C1orf52: variants seen among roughly 807,000 people sequenced by gnomAD.
C1orf52 encodes UPF0690 protein C1orf52.
Under a neutral mutation model 17.2 loss-of-function variants are expected in C1orf52, and 5 were observed. The observed-to-expected ratio is 0.29, with a 90% confidence interval of 0.15 to 0.61. The LOEUF (loss-of-function observed/expected upper bound fraction) is 0.61. Among genes scored for constraint, C1orf52 ranks in the 20% least tolerant of loss-of-function variants. The pLI is 0.85. For missense variants in C1orf52, 245 were observed against 234.1 expected, an observed-to-expected ratio of 1.05 and a Z score of -0.30; for synonymous variants, 110 against 88.0, an observed-to-expected ratio of 1.25 and a Z score of -1.40.
At position 85,259,496 on chromosome 1, in the gene C1orf52, G is replaced by A. The variant is rs1167436689; in HGVS notation, c.138C>T (p.Gly46=). ...GCTTCTCCGCCTTGTTCCTACAGCC[G>A]CCCGCCGACTTCGCCGGATCCGGGG... ...RRTPDPAKSA[G]GCRNKAEKRL... is the part of the protein sequence containing the mutation. The change falls in exon 1 of 3, where the codon GGC becomes GGT. Residue 46 remains glycine, a synonymous_variant. Coordinates refer to ENST00000471115, the MANE Select transcript of C1orf52 (RefSeq NM_198077.4). The A allele has an allele frequency of 3.7e-6, 6 of 1,613,766 alleles. No homozygotes were observed. Among genetic ancestry groups the A allele is most frequent in the African/African-American group, 1.3e-5 (1 of 75,040 alleles).
rs1659818341 is a variant in C1orf52 at position 85,252,259 on chromosome 1, C to T, written c.*370G>A. Reference sequence around the variant, plus strand: ...ACTGTACAAAGACTGTTGAAAAGCACCCTACAAGTTCACAGTACATTACAA... The same window carrying T: ...ACTGTACAAAGACTGTTGAAAAGCATCCTACAAGTTCACAGTACATTACAA... On this transcript the variant is annotated 3_prime_UTR_variant, in exon 3 of 3. Transcript: ENST00000471115. The T allele has an allele frequency of 5.1e-6, 1 of 197,182 alleles. No individual in the cohort carries two copies. The highest frequency in any genetic ancestry group is 1.0e-5 in the Non-Finnish European group (1 of 96,980). 12.2% of individuals were successfully genotyped at this position (197,182 alleles called of 1,614,324 possible). A position where few individuals can be genotyped will look rare whatever the true frequency, so the allele number is the denominator to read the frequency against.
chr1:85,254,363 T>C (rs779210933), intron 2 of C1orf52, among the ~76,000 whole-genome samples: 3 of 151,738 alleles, frequency 2.0e-5, no homozygotes, highest in Non-Finnish European at 4.4e-5. Flanking sequence ...CCAAATAACA[T>C]GGTATACCAC....
chr1:85,251,190 A>C lies in C1orf52; in HGVS notation c.*1439T>G, dbSNP rs1242926924. The stretch of plus-strand genomic sequence containing the variant: ...CAATGGGGAAAAACAGATTTAAAAA[A>C]AAATACTTAGATTATGTCTTTTTCT... On this transcript the variant is annotated 3_prime_UTR_variant, in exon 3 of 3. Transcript: ENST00000471115. 6.6e-6 allele frequency: 1 copy of C among 152,240 alleles called. No individual in the cohort carries two copies. Among genetic ancestry groups the C allele is most frequent in the East Asian group, 1.9e-4 (1 of 5,202 alleles). 9.4% of individuals were successfully genotyped at this position (152,240 alleles called of 1,614,324 possible).
At position 85,252,720 on chromosome 1, in the gene C1orf52, A is replaced by C; in HGVS notation, c.476-18T>G. ...TTCATCATCTTTAAATAGAAAAGGA[A>C]GAGTTTCAATCAGTAATTTTAAAAA... On this transcript the variant is annotated intron_variant, in intron 2 of 2. Coordinates refer to ENST00000471115, the MANE Select transcript of C1orf52 (RefSeq NM_198077.4). 1 of 1,583,992 alleles carries C rather than the reference A, an allele frequency of 6.3e-7. No individual in the cohort carries two copies. The highest frequency in any genetic ancestry group is 8.7e-7 in the Non-Finnish European group (1 of 1,155,386).
intron 2 of C1orf52, among the ~76,000 whole-genome samples, chr1:85,257,197 C>T (rs1233283060): frequency 6.6e-6 from 1 of 152,214 alleles, no homozygotes; most frequent in Non-Finnish European, 1.5e-5. Context: ...CACTTCAAAT[C>T]CTGCTGTTTG....
At position 85,258,554 on chromosome 1, in the gene C1orf52, G is replaced by A. The variant is rs1054587566; in HGVS notation, c.445C>T (p.Leu149=). The A allele has an allele frequency of 1.2e-6, 2 of 1,614,118 alleles. No individual in the cohort carries two copies. Residue 149 remains leucine, a synonymous_variant, in exon 2 of 3, where the codon CTA becomes TTA. Coordinates refer to ENST00000471115, the MANE Select transcript of C1orf52 (RefSeq NM_198077.4). ...APQNAKKARL[L]PEGEETLESD... ...TCCAACGTCTCCTCCCCTTCTGGTA[G>A]AAGCCTAGCTTTCTTAGCATTCTGT...
intron 2 of C1orf52, among the ~76,000 whole-genome samples, chr1:85,253,042 A>C (rs1442641379): frequency 2.0e-5 from 3 of 152,132 alleles, no homozygotes; most frequent in Non-Finnish European, 1.5e-5. Flanking sequence ...AACCTGCCTT[A>C]TTTGTTGTTG....
intron 2 of C1orf52, among the ~76,000 whole-genome samples, chr1:85,254,421 T>C (rs1405899596): frequency 6.6e-6 from 1 of 151,232 alleles, no homozygotes; most frequent in Non-Finnish European, 1.5e-5. Context: ...AGATGGAGTC[T>C]TGCTCTGTTG....
intron 2 of C1orf52, 39 bp from the exon 3 acceptor site, chr1:85,252,741 A>T (rs1659830460): frequency 6.2e-6 from 9 of 1,458,956 alleles, no homozygotes; most frequent in Non-Finnish European, 8.6e-6. Flanking sequence ...CAGTAATTTT[A>T]AAAAACCCAA....
rs201724861 is a variant in C1orf52, at chr1:85,258,679, G to A, written c.320C>T (p.Pro107Leu). ...FKIWKSNYVP[P>L]PETYTTEKKP... Reference sequence around the variant, plus strand: ...CTTCTCAGTGGTGTAGGTCTCAGGAGGTGGTACATAATTTGACTTCCATAT... The same window carrying A: ...CTTCTCAGTGGTGTAGGTCTCAGGAAGTGGTACATAATTTGACTTCCATAT... The change falls in exon 2 of 3, where the codon CCT becomes CTT. Residue 107 changes from proline to leucine, a missense_variant. By Grantham distance (98) the Pro-to-Leu change is moderately conservative (BLOSUM62 -3). Coordinates refer to ENST00000471115, the MANE Select transcript of C1orf52 (RefSeq NM_198077.4). 1.2e-6 allele frequency: 2 copies of A among 1,611,952 alleles called. No individual in the cohort carries two copies. The highest frequency in any genetic ancestry group is 2.7e-5 in the African/African-American group (2 of 74,528).
At position 85,258,524 on chromosome 1, in the gene C1orf52, C is replaced by T. The variant is rs560263282; in HGVS notation, c.475G>A (p.Asp159Asn). 3.7e-6 allele frequency: 6 copies of T among 1,612,592 alleles called. No homozygotes were observed. In the African/African-American group the frequency reaches 6.7e-5, roughly 18 times the overall value. The change falls in exon 2 of 3, where the codon GAT becomes AAT. Residue 159 changes from aspartate (D) to asparagine (N), a missense_variant and splice_region_variant. Coordinates refer to ENST00000471115, the MANE Select transcript of C1orf52 (RefSeq NM_198077.4). Reference protein sequence around the residue: ...LPEGEETLESDDEKDEHTSKK... With the variant: ...LPEGEETLESNDEKDEHTSKK... ...ACCATCGGATTCTGACTTTCCTTACCTGATTCCAACGTCTCCTCCCCTTCT... is the reference window on the plus strand; with the variant it reads ...ACCATCGGATTCTGACTTTCCTTACTTGATTCCAACGTCTCCTCCCCTTCT...
At chr1:85,254,388 C>T (rs899362203) in intron 2 of C1orf52, among the ~76,000 whole-genome samples, 4 of 147,768 alleles carry the variant, frequency 2.7e-5, no homozygotes, top group African/African-American at 5.1e-5. Flanking sequence ...ACAAGCCAAA[C>T]GTTTTGCTTT....
In C1orf52 at chr1:85,251,876, A is replaced by G. The variant is rs761230832; in HGVS notation, c.*753T>C. ...TTGATGTCATTCCTGAAAGATGACT[A>G]AATTTTGACTGGTGGACAGGTGGTT... On this transcript the variant is annotated 3_prime_UTR_variant, in exon 3 of 3. Transcript: ENST00000471115. 1.3e-5 allele frequency: 2 copies of G among 152,234 alleles called. No homozygotes were observed. The highest frequency in any genetic ancestry group is 2.9e-5 in the Non-Finnish European group (2 of 68,032). 9.4% of individuals were successfully genotyped at this position (152,234 alleles called of 1,614,324 possible).
At chr1:85,258,130 G>GAAAAAAAAAAAAAAAAAAA (rs57958537) in intron 2 of C1orf52, among the ~76,000 whole-genome samples, 1 of 138,818 alleles carries the variant, frequency 7.2e-6, no homozygotes. Flanking sequence ...CAAAAAAAAA[G>GAAAAAAAAAAAAAAAAAAA]AAAAAAAAAA....
rs1280706833 is a variant in C1orf52 at position 85,251,787 on chromosome 1, G to A, written c.*842C>T. 2.0e-5 allele frequency: 3 copies of A among 152,110 alleles called. No individual in the cohort carries two copies. Among genetic ancestry groups the A allele is most frequent in the Non-Finnish European group, 4.4e-5 (3 of 68,012 alleles). 9.4% of individuals were successfully genotyped at this position (152,110 alleles called of 1,614,324 possible). On this transcript the variant is annotated 3_prime_UTR_variant, in exon 3 of 3. Coordinates refer to ENST00000471115, the MANE Select transcript of C1orf52 (RefSeq NM_198077.4). Reference sequence around the variant, plus strand: ...CAAGTACAGTCATCCAATCAGGAGAGGAAAAGATCTCTACTAACGGATCTC... The same window carrying A: ...CAAGTACAGTCATCCAATCAGGAGAAGAAAAGATCTCTACTAACGGATCTC...
intron 2 of C1orf52, chr1:85,257,598 C>G (rs1659975910): frequency 7.7e-6 from 5 of 646,150 alleles, no homozygotes; most frequent in Non-Finnish European, 1.4e-5. Context: ...CTTTTAGAAA[C>G]TCAACACTAG....
Position 85,259,485 on chromosome 1 carries a change from T to C in C1orf52, c.149A>G (p.Asn50Ser), listed in dbSNP as rs200923869. ...TCCCGGGAGCCGCTTCTCCGCCTTG[T>C]TCCTACAGCCGCCCGCCGACTTCGC... Reference protein sequence around the residue: ...DPAKSAGGCRNKAEKRLPGPD... With the variant: ...DPAKSAGGCRSKAEKRLPGPD... The change falls in exon 1 of 3, where the codon AAC becomes AGC. Residue 50 changes from asparagine (N) to serine (S), a missense_variant. Physicochemically the swap from Asn to Ser is conservative, Grantham distance 46. Transcript: ENST00000471115. 12 of 1,613,930 alleles carry C rather than the reference T, an allele frequency of 7.4e-6. No homozygotes were observed. Among genetic ancestry groups the C allele is most frequent in the Non-Finnish European group, 1.0e-5 (12 of 1,180,014 alleles).
At chr1:85,259,170 C>A in intron 1 of C1orf52, 188 bp downstream of exon 1, 1 of 1,105,032 alleles carries the variant, frequency 9.0e-7, no homozygotes, top group Non-Finnish European at 1.2e-6. Flanking sequence ...GCTGCGGGTC[C>A]GGTCTAACAC....
rs988860115 is a variant in C1orf52 at position 85,257,585 on chromosome 1, C to G, written c.475+939G>C. 4.6e-6 allele frequency: 3 copies of G among 654,066 alleles called. No individual in the cohort carries two copies. In the African/African-American group the frequency reaches 5.5e-5, roughly 12 times the overall value. 40.5% of individuals were successfully genotyped at this position (654,066 alleles called of 1,614,324 possible). A position where few individuals can be genotyped will look rare whatever the true frequency, so the allele number is the denominator to read the frequency against. ...AGCAGGCAAGTTATATAATCAGATA[C>G]GACTTTTAGAAACTCAACACTAGCT... On this transcript the variant is annotated intron_variant, in intron 2 of 2. Transcript: ENST00000471115.
Sources: allele counts gnomAD v4.1 joint callset (sites outside exome capture counted in the v4.1 genomes callset), GRCh38; gene constraint gnomAD v4.1.1; transcripts MANE v1.5; gene names NCBI Gene and HGNC (gene_info 2026-07-23, HGNC 2026-07-21).